The following FBXW4 variants were observed in gnomAD, a reference collection of about 807,000 sequenced individuals.
FBXW4 encodes the protein F-box/WD repeat-containing protein 4.
Under a neutral mutation model 61.8 loss-of-function variants are expected in FBXW4, and 40 were observed. The ratio of observed to expected loss-of-function variants is 0.65; its 90% CI spans 0.50 to 0.84. The LOEUF (loss-of-function observed/expected upper bound fraction) is 0.84. Ranked by LOEUF, FBXW4 falls within the 40% of genes least tolerant of loss-of-function variation. The pLI is 0.00. For missense variants in FBXW4, 672 were observed against 753.8 expected (o/e 0.89, Z 1.27); for synonymous variants, 311 against 313.8 (o/e 0.99, Z 0.10).
At chr10:101,629,370 A>C (rs556928706) in intron 5 of FBXW4, among the ~76,000 whole-genome samples, 16 of 151,428 alleles carry the variant, frequency 1.1e-4, no homozygotes, top group Admixed American at 7.9e-4. Flanking sequence ...TGCAACCTCT[A>C]TCTCCCAGGT....
chr10:101,612,556 C>T, intron 6 of FBXW4, 79 bp from the exon 7 acceptor site: 1 of 1,366,320 alleles, frequency 7.3e-7, no homozygotes, highest in Non-Finnish European at 9.6e-7. Context: ...GGCATCAGAC[C>T]TTGGGGAAAT....
At chr10:101,685,109 C>T (rs1347950362) in intron 1 of FBXW4, among the ~76,000 whole-genome samples, 1 of 152,200 alleles carries the variant, frequency 6.6e-6, no homozygotes, top group Non-Finnish European at 1.5e-5. Flanking sequence ...CTGCCAGCCC[C>T]AGCCTACCTT....
chr10:101,614,838 A>G (rs1017927032), intron 6 of FBXW4, among the ~76,000 whole-genome samples: 1 of 152,194 alleles, frequency 6.6e-6, no homozygotes, highest in Admixed American at 6.5e-5. Context: ...GCAGTGCCAC[A>G]GGAGCCCTGC....
chr10:101,676,319 A>C, intron 2 of FBXW4, 22 bp downstream of exon 2: 2 of 1,603,302 alleles, frequency 1.2e-6, no homozygotes, highest in Non-Finnish European at 1.7e-6. Flanking sequence ...AGTAGCTTTT[A>C]AAAAGTCAAG....
chr10:101,671,145 T>C (rs559367005), intron 4 of FBXW4, among the ~76,000 whole-genome samples: 36 of 152,186 alleles, frequency 2.4e-4, no homozygotes, highest in African/African-American at 7.9e-4. Context: ...ACAATAGTAA[T>C]GTAGAAATGG....
In FBXW4 at chr10:101,694,737, C is replaced by G; in HGVS notation, c.369G>C (p.Trp123Cys). Residue 123 changes from tryptophan to cysteine, a missense_variant, in exon 1 of 9, where the codon TGG (tryptophan) becomes TGC (cysteine). Trp to Cys is a radical substitution (Grantham distance 215). Around this residue, in one of 5 missense-constraint regions of FBXW4, gnomAD observed 311 missense variants for 301.1 expected, o/e 1.03. Coordinates refer to ENST00000331272, the MANE Select transcript of FBXW4 (RefSeq NM_022039.4). This position sits in a 1 kb window ranked among gnomAD's most constrained non-coding sequence, Gnocchi z 6.0. ...QGREYGKKEE[W>C]RVRARRREGA... ...CCTCCCGCCGCCTAGCCCTGACCCTCCATTCCTCCTTCTTCCCATACTCTC... is the reference window on the plus strand; with the variant it reads ...CCTCCCGCCGCCTAGCCCTGACCCTGCATTCCTCCTTCTTCCCATACTCTC... 7.3e-7 allele frequency: 1 copy of G among 1,367,832 alleles called. No homozygotes were observed. Among genetic ancestry groups the G allele is most frequent in the Admixed American group, 3.9e-5 (1 of 25,434 alleles). 84.7% of individuals were successfully genotyped at this position (1,367,832 alleles called of 1,614,324 possible).
intron 6 of FBXW4, among the ~76,000 whole-genome samples, chr10:101,612,825 A>G (rs1248095617): frequency 1.3e-5 from 2 of 151,416 alleles, no homozygotes; most frequent in Non-Finnish European, 3.0e-5. Flanking sequence ...ATGCACATGC[A>G]CACACACACA....
chr10:101,621,762 G>C (rs2063868507), intron 6 of FBXW4, among the ~76,000 whole-genome samples: 1 of 152,170 alleles, frequency 6.6e-6, no homozygotes. Context: ...AAGAGGCACA[G>C]ATAAGTTATG....
intron 5 of FBXW4, among the ~76,000 whole-genome samples, chr10:101,651,278 G>A (rs1425108390): frequency 1.3e-5 from 2 of 151,916 alleles, no homozygotes; most frequent in South Asian, 2.1e-4. Flanking sequence ...CTAATTACTC[G>A]CCTACACTCT....
chr10:101,679,129 T>G (rs866015054), intron 1 of FBXW4, among the ~76,000 whole-genome samples: 3 of 152,092 alleles, frequency 2.0e-5, no homozygotes, highest in African/African-American at 7.2e-5. Context: ...CTCCAACACC[T>G]GGCCTCAAGC....
At chr10:101,684,599 T>G (rs184361120) in intron 1 of FBXW4, among the ~76,000 whole-genome samples, 17 of 152,318 alleles carry the variant, frequency 1.1e-4, no homozygotes, top group African/African-American at 3.8e-4. Context: ...ATCTCTTGAT[T>G]TCTCTTATCT....
At chr10:101,646,768 G>A (rs865796179) in intron 5 of FBXW4, among the ~76,000 whole-genome samples, 1 of 152,200 alleles carries the variant, frequency 6.6e-6, no homozygotes, top group African/African-American at 2.4e-5. Context: ...TGAAAGGTTT[G>A]GGGGTTTTAC....
intron 5 of FBXW4, among the ~76,000 whole-genome samples, chr10:101,641,121 G>A (rs754655810): frequency 2.2e-4 from 34 of 152,060 alleles, no homozygotes; most frequent in Non-Finnish European, 1.6e-4. Context: ...ATGAGCCACC[G>A]CGCCCAGCCA....
chr10:101,638,663 T>A (rs899121561), intron 5 of FBXW4, among the ~76,000 whole-genome samples: 15 of 152,336 alleles, frequency 9.8e-5, no homozygotes, highest in African/African-American at 3.4e-4. Flanking sequence ...AGAATGGTAA[T>A]CAAAATACTC....
At chr10:101,680,352 A>G (rs1293951668) in intron 1 of FBXW4, among the ~76,000 whole-genome samples, 1 of 152,228 alleles carries the variant, frequency 6.6e-6, no homozygotes, top group East Asian at 1.9e-4. Context: ...ATTATAAAGT[A>G]TTTGAGTTTA....
Position 101,611,284 on chromosome 10 carries a change from C to G in FBXW4, c.*7G>C, listed in dbSNP as rs73349895. 11,750 of 1,612,714 alleles carry G rather than the reference C, an allele frequency of 7.3e-3. 634 individuals carry two copies. In the African/African-American group the frequency reaches 0.13, roughly 17 times the overall value. ...CCCTGGCCCAGAGGCAGGGGTGGCC[C>G]TGACGGTCATGGGTTTTGAAAATCC... On this transcript the variant is annotated 3_prime_UTR_variant, in exon 9 of 9. Transcript: ENST00000331272. This position sits in a 1 kb window ranked among gnomAD's most constrained non-coding sequence, Gnocchi z 4.9.
intron 5 of FBXW4, among the ~76,000 whole-genome samples, chr10:101,642,245 A>C (rs543937289): frequency 7.2e-5 from 11 of 151,970 alleles, no homozygotes; most frequent in African/African-American, 2.7e-4. Context: ...ACACATTTAA[A>C]AATTGAAGCA....
intron 2 of FBXW4, among the ~76,000 whole-genome samples, chr10:101,674,797 C>T (rs1323038403): frequency 6.6e-6 from 1 of 152,208 alleles, no homozygotes; most frequent in Non-Finnish European, 1.5e-5. Flanking sequence ...AGGCTAGAAG[C>T]CACAGACAAG....
At chr10:101,661,717 G>A (rs1485973325) in intron 5 of FBXW4, among the ~76,000 whole-genome samples, 1 of 152,080 alleles carries the variant, frequency 6.6e-6, no homozygotes, top group African/African-American at 2.4e-5. Flanking sequence ...CTGCAGTTTC[G>A]CAAAGGGGGA....
Sources: allele counts gnomAD v4.1 joint callset (sites outside exome capture counted in the v4.1 genomes callset), GRCh38; gene constraint gnomAD v4.1.1; regional missense constraint gnomAD v4.1.1; non-coding constraint Gnocchi (gnomAD v3.1); transcripts MANE v1.5; gene names NCBI Gene and HGNC (gene_info 2026-07-23, HGNC 2026-07-21).